Variants in DCDC2C observed in about 807,000 individuals in gnomAD.
DCDC2C encodes the protein doublecortin domain containing 2C, also known as doublecortin domain-containing protein 2C.
Under a neutral mutation model 45.0 loss-of-function variants are expected in DCDC2C, and 44 were observed. The observed-to-expected ratio is 0.98, with a 90% CI of 0.77 to 1.26. The LOEUF (loss-of-function observed/expected upper bound fraction) is 1.26, where lower values mean the gene tolerates loss of function less well. Ranked by LOEUF, DCDC2C falls within the 50% of genes most tolerant of loss-of-function variation. DCDC2C has a pLI of 0.00. For missense variants in DCDC2C, 447 were observed against 468.9 expected, an observed-to-expected ratio of 0.95 and a Z score of 0.43; for synonymous variants, 187 against 178.8, an observed-to-expected ratio of 1.05 and a Z score of -0.37.
intron 10 of DCDC2C, among the ~76,000 whole-genome samples, chr2:3,846,267 C>G (rs2148250873): frequency 6.6e-6 from 1 of 151,732 alleles, no homozygotes; most frequent in South Asian, 2.1e-4. Flanking sequence ...CCCTTCTTCT[C>G]CTCCTTTTCA....
intron 9 of DCDC2C, among the ~76,000 whole-genome samples, chr2:3,782,931 G>C (rs1162066316): frequency 6.6e-6 from 1 of 152,188 alleles, no homozygotes; most frequent in Non-Finnish European, 1.5e-5. Flanking sequence ...AAGCAAGATG[G>C]AAAGTATGAA....
At chr2:3,730,286 T>TA (rs1018420114) in intron 3 of DCDC2C, among the ~76,000 whole-genome samples, 13 of 151,206 alleles carry the variant, frequency 8.6e-5, no homozygotes, top group South Asian at 2.1e-4. Context: ...CCCCATCTCT[T>TA]AAAAAAAAAT....
At chr2:3,817,154 T>C (rs1037004851) in intron 10 of DCDC2C, among the ~76,000 whole-genome samples, 11 of 152,238 alleles carry the variant, frequency 7.2e-5, no homozygotes, top group African/African-American at 2.7e-4. Context: ...GAACACTAGC[T>C]GCATTTTTAG....
chr2:3,753,468 T>G (rs1318541636), intron 5 of DCDC2C, among the ~76,000 whole-genome samples: 1 of 152,162 alleles, frequency 6.6e-6, no homozygotes, highest in Non-Finnish European at 1.5e-5. Flanking sequence ...TCATCCTCAA[T>G]TGTTTAGCCC....
At chr2:3,755,362 T>C (rs1203668227) in intron 6 of DCDC2C, among the ~76,000 whole-genome samples, 1 of 152,184 alleles carries the variant, frequency 6.6e-6, no homozygotes, top group Non-Finnish European at 1.5e-5. Context: ...TGTGTATGCA[T>C]GTGTGTATGG....
intron 1 of DCDC2C, among the ~76,000 whole-genome samples, chr2:3,707,117 A>C (rs530009256): frequency 6.6e-6 from 1 of 152,312 alleles, no homozygotes; most frequent in Admixed American, 6.5e-5. Flanking sequence ...GAGCAAGCCA[A>C]GCCCACCCAG....
At chr2:3,801,819 G>A (rs1671122524) in intron 10 of DCDC2C, among the ~76,000 whole-genome samples, 2 of 152,342 alleles carry the variant, frequency 1.3e-5, no homozygotes, top group African/African-American at 4.8e-5. Flanking sequence ...TTCTGATCAC[G>A]GTTCTCCAGA....
At chr2:3,822,549 T>C (rs1572642305) in intron 10 of DCDC2C, among the ~76,000 whole-genome samples, 1 of 24,500 alleles carries the variant, frequency 4.1e-5, no homozygotes, top group South Asian at 2.2e-3. Flanking sequence ...ATTTTGCTGA[T>C]TTTTTTTTTT....
At chr2:3,725,775 C>T (rs377588126) in intron 2 of DCDC2C, among the ~76,000 whole-genome samples, 147 of 10,798 alleles carry the variant, frequency 0.014, no homozygotes, top group Admixed American at 0.022. Context: ...TGAGGGTGGC[C>T]AGGTGGATCC....
intron 10 of DCDC2C, among the ~76,000 whole-genome samples, chr2:3,836,760 G>A (rs1313473839): frequency 2.0e-5 from 3 of 151,840 alleles, no homozygotes; most frequent in Non-Finnish European, 4.4e-5. Context: ...TACTCGGGAG[G>A]CTGAGGCAGG....
chr2:3,752,777 AT>A lies in DCDC2C; in HGVS notation c.561del (p.Asn187LysfsTer93), dbSNP rs758956297. Reference protein sequence around the residue: ...LGGVRKLFTMNGHLLGDSKDL... With the variant: ...LGGVRKLFTMXGHLLGDSKDL... ...TGTTTTTACAGATTATTTACAATGA[AT>A]GGGCATCTTTTGGGCGACTCAAAGG... is the stretch of plus-strand genomic sequence containing the variant. On this transcript the variant is annotated frameshift_variant, in exon 5 of 11. Transcript: ENST00000399143. LOFTEE classifies it high-confidence loss of function. 1.1e-5 allele frequency: 17 copies of A among 1,550,442 alleles called. No homozygotes were observed. The highest frequency in any genetic ancestry group is 1.5e-5 in the Non-Finnish European group (17 of 1,146,880).
intron 2 of DCDC2C, among the ~76,000 whole-genome samples, chr2:3,709,407 T>C (rs1668150476): frequency 1.3e-5 from 2 of 152,212 alleles, no homozygotes; most frequent in Non-Finnish European, 2.9e-5. Flanking sequence ...CTCTTCTCTG[T>C]GTCTTTGGAG....
rs571071737 is a variant in DCDC2C at position 3,825,009 on chromosome 2, C to T, written c.1066-22145C>T. On this transcript the variant is annotated intron_variant, in intron 10 of 10. Coordinates refer to ENST00000399143, the MANE Select transcript of DCDC2C (RefSeq NM_001287444.2). ...CAGTGGGTCTTCATCAGTTCCCTGG[C>T]AGTGACCGGTTTTGCTGTCTTCCTC... Among the ~76,000 whole-genome samples the T allele has an allele frequency of 3.9e-5, 6 of 152,274 alleles. No homozygotes were observed. In the East Asian group the frequency reaches 1.2e-3, roughly 29 times the overall value.
intron 2 of DCDC2C, among the ~76,000 whole-genome samples, chr2:3,724,052 A>G (rs1030518240): frequency 6.6e-6 from 1 of 152,092 alleles, no homozygotes; most frequent in African/African-American, 2.4e-5. Flanking sequence ...TAGGTATTGC[A>G]TTGTGCCTTT....
intron 9 of DCDC2C, among the ~76,000 whole-genome samples, chr2:3,784,216 G>A (rs1423212914): frequency 6.6e-6 from 1 of 152,148 alleles, no homozygotes; most frequent in Non-Finnish European, 1.5e-5. Context: ...ATAATTGAAT[G>A]CTATATTTTT....
chr2:3,745,827 A>G lies in DCDC2C; in HGVS notation c.545+3779A>G, dbSNP rs1669344706. Among the ~76,000 whole-genome samples the G allele has an allele frequency of 1.3e-5, 2 of 151,066 alleles. 1 individual carries two copies. Among genetic ancestry groups the G allele is most frequent in the South Asian group, 4.2e-4 (2 of 4,784 alleles). On this transcript the variant is annotated intron_variant, in intron 4 of 10. Transcript: ENST00000399143. Reference sequence around the variant, plus strand: ...TGGGCTCAGAGGATCCTCCCACCTCAGCCTCCTGAGTAGTTGGGACTACAG... The same window carrying G: ...TGGGCTCAGAGGATCCTCCCACCTCGGCCTCCTGAGTAGTTGGGACTACAG...
chr2:3,766,311 C>CAT (rs35077025), intron 6 of DCDC2C, among the ~76,000 whole-genome samples: 9 of 130,204 alleles, frequency 6.9e-5, no homozygotes, highest in African/African-American at 3.2e-4. Flanking sequence ...CACACACACG[C>CAT]ACACACACAC....
intron 8 of DCDC2C, among the ~76,000 whole-genome samples, chr2:3,776,524 T>C (rs967832855): frequency 1.9e-4 from 29 of 152,244 alleles, no homozygotes; most frequent in African/African-American, 7.0e-4. Context: ...TGTCTTCCTT[T>C]GGCAAGAGAA....
rs145061714 is a variant in DCDC2C, at chr2:3,791,002, C to T, written c.1065+5902C>T. On this transcript the variant is annotated intron_variant, in intron 10 of 10. Coordinates refer to ENST00000399143, the MANE Select transcript of DCDC2C (RefSeq NM_001287444.2). ...GTGGGCACCTGTAGTCCCAGCTACT[C>T]GGGAGGCTGAGGCAGGAGAATGGCG... Among the ~76,000 whole-genome samples the T allele has an allele frequency of 7.5e-3, 1,145 of 151,942 alleles. 21 individuals carry two copies. The highest frequency in any genetic ancestry group is 0.026 in the African/African-American group (1,077 of 41,444).
Sources: allele counts gnomAD v4.1 joint callset (sites outside exome capture counted in the v4.1 genomes callset), GRCh38; gene constraint gnomAD v4.1.1; transcripts MANE v1.5; gene names NCBI Gene and HGNC (gene_info 2026-07-23, HGNC 2026-07-21).